Variants in CYP4V2 observed in about 807,000 individuals in gnomAD.
The protein encoded by CYP4V2 is cytochrome P450 4V2.
A neutral mutation model predicts 60.8 loss-of-function variants in CYP4V2; 55 were observed. The ratio of observed to expected loss-of-function variants is 0.90; its 90% CI spans 0.73 to 1.13. CYP4V2 has a LOEUF of 1.13. Ranked by LOEUF, CYP4V2 falls within the 50% of genes most tolerant of loss-of-function variation. CYP4V2 has a pLI of 0.00. For missense variants in CYP4V2, 675 were observed against 662.9 expected, an observed-to-expected ratio of 1.02 and a Z score of -0.20; for synonymous variants, 239 against 236.8, an observed-to-expected ratio of 1.01 and a Z score of -0.08.
Position 186,210,479 on chromosome 4 carries a change from T to C in CYP4V2, c.1416T>C (p.Phe472=), listed in dbSNP as rs577586949. The change falls in exon 11 of 11, where the codon TTT becomes TTC. Residue 472 remains phenylalanine (F), a synonymous_variant. Transcript: ENST00000378802. ...AGPRNCIGQK[F]AVMEEKTILS... ...TACATTAATTTGAAGGTCAAAAGTT[T>C]GCTGTGATGGAAGAAAAGACCATTC... The C allele has an allele frequency of 2.5e-6, 4 of 1,614,156 alleles. No homozygotes were observed. In the South Asian group the frequency reaches 4.4e-5, roughly 18 times the overall value.
At chr4:186,193,302 C>T (rs1043678437) in intron 1 of CYP4V2, among the ~76,000 whole-genome samples, 1 of 152,116 alleles carries the variant, frequency 6.6e-6, no homozygotes, top group Non-Finnish European at 1.5e-5. Flanking sequence ...TTGGGGATTC[C>T]AGTAATTAAA....
intron 8 of CYP4V2, among the ~76,000 whole-genome samples, chr4:186,207,838 G>A (rs971920557): frequency 2.6e-5 from 4 of 152,094 alleles, no homozygotes; most frequent in Admixed American, 2.6e-4. Context: ...TTTACTTTCT[G>A]TCTCTCTGGA....
At chr4:186,198,484 G>A (rs570896953) in intron 5 of CYP4V2, among the ~76,000 whole-genome samples, 5 of 152,212 alleles carry the variant, frequency 3.3e-5, no homozygotes, top group Non-Finnish European at 7.3e-5. Context: ...TCTGCTCTAT[G>A]GCTGGACATG....
chr4:186,201,064 T>TAAAAAAATAAAAA, intron 6 of CYP4V2, 93 bp from the exon 7 acceptor site: 3 of 1,271,596 alleles, frequency 2.4e-6, no homozygotes, highest in South Asian at 2.6e-5. Context: ...GAAAAATAAA[T>TAAAAAAATAAAAA]GAAAGAAACT....
At chr4:186,203,230 A>G (rs1276950603) in intron 7 of CYP4V2, 3 of 152,274 alleles carry the variant, frequency 2.0e-5, no homozygotes, top group Non-Finnish European at 4.4e-5. Flanking sequence ...CCTACCAGGA[A>G]CCTCTCAATC....
intron 8 of CYP4V2, among the ~76,000 whole-genome samples, chr4:186,206,042 TG>T (rs1736489894): frequency 6.6e-6 from 1 of 152,278 alleles, no homozygotes; most frequent in Middle Eastern, 3.4e-3. Flanking sequence ...CATCACCATG[TG>T]GGCAGGGCTG....
At position 186,196,006 on chromosome 4, in the gene CYP4V2, A is replaced by T. The variant is rs755065439; in HGVS notation, c.331A>T (p.Ile111Phe). The change falls in exon 3 of 11, where the codon ATT becomes TTT. Residue 111 changes from isoleucine (I) to phenylalanine (F), a missense_variant. Coordinates refer to ENST00000378802, the MANE Select transcript of CYP4V2 (RefSeq NM_207352.4). ...AGTATGTTTTTCTCTTCCTAAGGTA[A>T]TTTTAACTAGTTCAAAGCAAATTGA... ...ALYNAENVEVILTSSKQIDKS... is the reference protein window; with the variant it reads ...ALYNAENVEVFLTSSKQIDKS... 3 of 1,611,216 alleles carry T rather than the reference A, an allele frequency of 1.9e-6. No homozygotes were observed. Among genetic ancestry groups the T allele is most frequent in the Non-Finnish European group, 2.5e-6 (3 of 1,177,486 alleles).
chr4:186,203,021 C>T (rs1736368390), intron 7 of CYP4V2: 1 of 97,744 alleles, frequency 1.0e-5, no homozygotes, highest in African/African-American at 3.3e-5. Context: ...TACACACCTA[C>T]ATACACACAT....
At chr4:186,205,123 T>A (rs1035253550) in intron 7 of CYP4V2, 77 bp from the exon 8 acceptor site, 29 of 1,357,916 alleles carry the variant, frequency 2.1e-5, no homozygotes, top group Non-Finnish European at 2.9e-5. Context: ...CAGAGACAAT[T>A]CAAAAGAGGT....
At chr4:186,204,453 C>G (rs1422428422) in intron 7 of CYP4V2, 2 of 217,576 alleles carry the variant, frequency 9.2e-6, no homozygotes, top group South Asian at 4.3e-5. Context: ...AGACGTTACG[C>G]TGGCGTAAGA....
In CYP4V2 at chr4:186,192,035, G is replaced by A; in HGVS notation, c.212G>A (p.Arg71Gln). 6.4e-7 allele frequency: 1 copy of A among 1,573,406 alleles called. No homozygotes were observed. Reference sequence around the variant, plus strand: ...GCGCTGCTGATGAAGCCGGACGGGCGAGGTAAGGGCCGGCGCTCCTCCTGG... The same window carrying A: ...GCGCTGCTGATGAAGCCGGACGGGCAAGGTAAGGGCCGGCGCTCCTCCTGG... ...GHALLMKPDG[R>Q]EFFQQIIEYT... is the part of the protein sequence containing the mutation. The change falls in exon 1 of 11, where the codon CGA becomes CAA. Residue 71 changes from arginine to glutamine, a missense_variant and splice_region_variant. By Grantham distance (43) the Arg-to-Gln change is conservative. Transcript: ENST00000378802.
At chr4:186,209,612 A>G (rs1419854650) in intron 10 of CYP4V2, among the ~76,000 whole-genome samples, 1 of 152,148 alleles carries the variant, frequency 6.6e-6, no homozygotes, top group African/African-American at 2.4e-5. Context: ...CGTGGCTTGT[A>G]GATGCCATTT....
In CYP4V2 at chr4:186,210,956, C is replaced by A; in HGVS notation, c.*315C>A. On this transcript the variant is annotated 3_prime_UTR_variant, in exon 11 of 11. Transcript: ENST00000378802. Reference sequence around the variant, plus strand: ...GGTTCAAGCAATTCTTCTGCCTCAGCCTCCCAAGTAGCTGGGATTACAGGT... The same window carrying A: ...GGTTCAAGCAATTCTTCTGCCTCAGACTCCCAAGTAGCTGGGATTACAGGT... 1 of 265,720 alleles carries A rather than the reference C, an allele frequency of 3.8e-6. No homozygotes were observed. The allele number at this position is 265,720 out of a possible 1,614,324, so 16.5% of individuals were successfully genotyped here.
Position 186,191,779 on chromosome 4 carries a change from G to A in CYP4V2, c.-45G>A. 2.1e-6 allele frequency: 3 copies of A among 1,453,530 alleles called. No homozygotes were observed. Among genetic ancestry groups the A allele is most frequent in the Non-Finnish European group, 2.7e-6 (3 of 1,108,238 alleles). The allele number at this position is 1,453,530 out of a possible 1,614,324, so 90.0% of individuals were successfully genotyped here. A position where few individuals can be genotyped will look rare whatever the true frequency, so the allele number is the denominator to read the frequency against. Reference sequence around the variant, plus strand: ...ACCGCCTCGCACCACGCCCCCGCGGGCCCGCACTTTCCCGGAGTGCACCCC... The same window carrying A: ...ACCGCCTCGCACCACGCCCCCGCGGACCCGCACTTTCCCGGAGTGCACCCC... On this transcript the variant is annotated 5_prime_UTR_variant, in exon 1 of 11. Transcript: ENST00000378802.
chr4:186,195,933 G>A lies in CYP4V2; in HGVS notation c.328-70G>A. ...CTAAAAACTAGCTGTATTCTAGCCA[G>A]TATTCCTATAATTACAGGAAGGTTG... On this transcript the variant is annotated intron_variant, in intron 2 of 10. Transcript: ENST00000378802. This position sits in a 1 kb window ranked among gnomAD's most constrained non-coding sequence, Gnocchi z 4.1. 1 of 1,107,994 alleles carries A rather than the reference G, an allele frequency of 9.0e-7. No homozygotes were observed. Among genetic ancestry groups the A allele is most frequent in the South Asian group, 1.3e-5 (1 of 78,950 alleles). 68.6% of individuals were successfully genotyped at this position (1,107,994 alleles called of 1,614,324 possible).
chr4:186,191,653 T>C lies in CYP4V2; in HGVS notation c.-171T>C, dbSNP rs1032607960. On this transcript the variant is annotated 5_prime_UTR_variant, in exon 1 of 11. Transcript: ENST00000378802. ...AGGAACAGCCCCGTGGCGCCCTCTC[T>C]GGCCGCCGCCCGGGCGGGAAACGTC... 1 of 528,440 alleles carries C rather than the reference T, an allele frequency of 1.9e-6. No homozygotes were observed. The highest frequency in any genetic ancestry group is 2.8e-6 in the Non-Finnish European group (1 of 357,880). 32.7% of individuals were successfully genotyped at this position (528,440 alleles called of 1,614,324 possible).
At position 186,197,118 on chromosome 4, in the gene CYP4V2, G is replaced by A; in HGVS notation, c.592G>A (p.Asp198Asn). ...CFFYITLCAL[D>N]IICETAMGKN... ...TTTTTACATCACTCTTTGTGCCTTA[G>A]ATATCATCTGTGGTGAGTCTCATCG... The change falls in exon 4 of 11, where the codon GAT becomes AAT. Residue 198 changes from aspartate to asparagine, a missense_variant. Transcript: ENST00000378802. 1 of 1,613,814 alleles carries A rather than the reference G, an allele frequency of 6.2e-7. No homozygotes were observed. The highest frequency in any genetic ancestry group is 8.5e-7 in the Non-Finnish European group (1 of 1,180,026).
At chr4:186,194,871 T>G (rs1454081409) in intron 2 of CYP4V2, among the ~76,000 whole-genome samples, 4 of 152,206 alleles carry the variant, frequency 2.6e-5, no homozygotes, top group Non-Finnish European at 5.9e-5. Flanking sequence ...AGGATATCGT[T>G]TTTTAGAAAC....
At chr4:186,201,367 T>C (rs1170359979) in intron 7 of CYP4V2, 25 bp downstream of exon 7, 2 of 1,611,236 alleles carry the variant, frequency 1.2e-6, no homozygotes, top group South Asian at 2.2e-5. Context: ...TAGGTTCAGA[T>C]ATCATTAAAC....
Sources: gnomAD v4.1 joint callset for allele counts (sites outside exome capture counted in the v4.1 genomes callset) on GRCh38, gnomAD v4.1.1 for gene constraint, Gnocchi (gnomAD v3.1) non-coding constraint, MANE v1.5 for transcripts, NCBI Gene and HGNC (gene_info 2026-07-23, HGNC 2026-07-21) for gene names.